PPP2R2C: variants seen among roughly 807,000 people sequenced by gnomAD.
PPP2R2C encodes protein phosphatase 2 regulatory subunit Bgamma.
A neutral mutation model predicts 45.3 loss-of-function variants in PPP2R2C; 10 were observed. The observed-to-expected ratio is 0.22, with a 90% CI of 0.14 to 0.37. PPP2R2C has a LOEUF of 0.37. PPP2R2C is among the 10% of genes least tolerant of loss of function. PPP2R2C has a pLI of 1.00. For synonymous variants in PPP2R2C, 257 were observed against 245.4 expected (o/e 1.05, Z -0.44); for missense variants, 308 against 619.7 (o/e 0.50, Z 5.34).
At position 6,368,242 on chromosome 4, in the gene PPP2R2C, T is replaced by C. The variant is rs1009653771; in HGVS notation, c.625+4281A>G. Among the ~76,000 whole-genome samples the C allele has an allele frequency of 6.6e-6, 1 of 152,132 alleles. No individual in the cohort carries two copies. Among genetic ancestry groups the C allele is most frequent in the African/African-American group, 2.4e-5 (1 of 41,440 alleles). ...CCTCACTTGGCAAAAACCACACCCC[T>C]GGCTTACCCTCCACCGACCTGAGGC... On this transcript the variant is annotated intron_variant, in intron 5 of 8. Transcript: ENST00000382599. The surrounding 1 kb of genome is among the most constrained non-coding windows in gnomAD (Gnocchi z 4.2).
chr4:6,454,052 T>G (rs2108749597), intron 1 of PPP2R2C, among the ~76,000 whole-genome samples: 1 of 152,338 alleles, frequency 6.6e-6, no homozygotes, highest in Admixed American at 6.5e-5. Context: ...TGTTTTTGCA[T>G]TTTTTAACAG....
At chr4:6,511,594 GTGA>G (rs1560594059) in intron 2 of PPP2R2C, among the ~76,000 whole-genome samples, 1 of 24,300 alleles carries the variant, frequency 4.1e-5, no homozygotes, top group African/African-American at 9.8e-5. Flanking sequence ...GGTGGTGGTG[GTGA>G]TGGGGGTGGT....
chr4:6,503,358 G>T (rs991172670), intron 2 of PPP2R2C, among the ~76,000 whole-genome samples: 1 of 152,116 alleles, frequency 6.6e-6, no homozygotes, highest in African/African-American at 2.4e-5. Context: ...TTCCTTCTTA[G>T]CAAAGCCTCC....
chr4:6,394,864 C>T (rs960651270), intron 1 of PPP2R2C, among the ~76,000 whole-genome samples: 10 of 152,348 alleles, frequency 6.6e-5, no homozygotes, highest in East Asian at 5.8e-4. Context: ...ATCACATCAG[C>T]GTGTCCATCA....
chr4:6,428,251 G>T (rs1415923942), intron 1 of PPP2R2C, among the ~76,000 whole-genome samples: 2 of 152,202 alleles, frequency 1.3e-5, no homozygotes, highest in Non-Finnish European at 2.9e-5. Flanking sequence ...CCCTCTATTT[G>T]CCTCCAGGTT....
intron 2 of PPP2R2C, among the ~76,000 whole-genome samples, chr4:6,486,182 G>C (rs1368699859): frequency 6.6e-6 from 1 of 151,990 alleles, no homozygotes; most frequent in Non-Finnish European, 1.5e-5. Context: ...AATATTTGGA[G>C]ATTTTCCAGA....
intron 2 of PPP2R2C, among the ~76,000 whole-genome samples, chr4:6,523,764 C>T (rs7676737): frequency 0.46 from 70,043 of 152,052 alleles, 16,682 homozygotes; most frequent in African/African-American, 0.55. Context: ...CACTGGAACG[C>T]GAATGTTCCC....
chr4:6,383,356 G>A (rs1715994269), intron 1 of PPP2R2C: 1 of 1,289,484 alleles, frequency 7.8e-7, no homozygotes, highest in African/African-American at 1.5e-5. Context: ...AACATTTACT[G>A]TTGTATGCAC....
chr4:6,405,083 T>C (rs1717706110), intron 1 of PPP2R2C, among the ~76,000 whole-genome samples: 1 of 152,240 alleles, frequency 6.6e-6, no homozygotes, highest in Admixed American at 6.5e-5. Flanking sequence ...GACATGAGAC[T>C]GAGGGCTGCT....
rs141932161 is a variant in PPP2R2C at position 6,495,403 on chromosome 4, G to A, written c.49+39868C>T. Among the ~76,000 whole-genome samples, 1,215 of 152,336 alleles carry A rather than the reference G, an allele frequency of 8.0e-3. 9 individuals carry two copies. Among genetic ancestry groups the A allele is most frequent in the Middle Eastern group, 0.034 (10 of 292 alleles). ...GTGTCCCGGGCACTCCCAGATCACC[G>A]GTGCCTGGCACAGTACCTGGCATGC... On this transcript the variant is annotated intron_variant, in intron 2 of 9. Coordinates refer to the PPP2R2C transcript ENST00000506140.
upstream of PPP2R2C, among the ~76,000 whole-genome samples, chr4:6,476,997 T>C (rs1332072977): frequency 6.6e-6 from 1 of 152,192 alleles, no homozygotes; most frequent in Non-Finnish European, 1.5e-5. Flanking sequence ...CAGCAGTTCA[T>C]ATCACCAGCA....
intron 1 of PPP2R2C, among the ~76,000 whole-genome samples, chr4:6,537,410 G>C (rs190477207): frequency 1.3e-5 from 2 of 152,108 alleles, no homozygotes; most frequent in Admixed American, 1.3e-4. Context: ...TTCAAACATT[G>C]ATTTTTACAC....
chr4:6,542,008 G>A (rs949259911), intron 1 of PPP2R2C, among the ~76,000 whole-genome samples: 2 of 152,226 alleles, frequency 1.3e-5, no homozygotes, highest in African/African-American at 4.8e-5. Context: ...AGGGATTCAT[G>A]ACAAATTCCT....
chr4:6,382,369 G>A lies in PPP2R2C; in HGVS notation c.71-1275C>T, dbSNP rs139433116. On this transcript the variant is annotated intron_variant, in intron 1 of 8. Coordinates refer to ENST00000382599, the MANE Select transcript of PPP2R2C (RefSeq NM_020416.4). ...TTTCAAACCAGCCACAGATCTGACC[G>A]TTGCTCCCTGTAGCCACAGAGAGGA... 9.6e-5 allele frequency: 128 copies of A among 1,340,182 alleles called. No homozygotes were observed. In the African/African-American group the frequency reaches 1.1e-3, roughly 12 times the overall value. The allele number at this position is 1,340,182 out of a possible 1,614,324, so 83.0% of individuals were successfully genotyped here. A position where few individuals can be genotyped will look rare whatever the true frequency, so the allele number is the denominator to read the frequency against.
At chr4:6,423,581 G>A (rs17778826) in intron 1 of PPP2R2C, among the ~76,000 whole-genome samples, 33,314 of 152,212 alleles carry the variant, frequency 0.22, 4,511 homozygotes, top group Admixed American at 0.39. Context: ...CTGGGGAGGC[G>A]AAGCCCAAAC....
At chr4:6,413,405 C>CT (rs1436913976) in intron 1 of PPP2R2C, among the ~76,000 whole-genome samples, 4 of 152,264 alleles carry the variant, frequency 2.6e-5, no homozygotes. Flanking sequence ...GTTCCTTCAG[C>CT]TACTCAGGGT....
intron 1 of PPP2R2C, among the ~76,000 whole-genome samples, chr4:6,419,523 A>AG (rs1718827311): frequency 6.6e-6 from 1 of 152,200 alleles, no homozygotes; most frequent in African/African-American, 2.4e-5. Context: ...ATCTACTATC[A>AG]GGCCCTTCAC....
intron 1 of PPP2R2C, among the ~76,000 whole-genome samples, chr4:6,438,530 T>C (rs1720001028): frequency 6.6e-6 from 1 of 152,248 alleles, no homozygotes; most frequent in Non-Finnish European, 1.5e-5. Flanking sequence ...CTTCACTTTT[T>C]CCTTCAAGAT....
intron 1 of PPP2R2C, among the ~76,000 whole-genome samples, chr4:6,430,601 T>G (rs1031808098): frequency 5.9e-5 from 9 of 152,134 alleles, no homozygotes; most frequent in Non-Finnish European, 1.3e-4. Context: ...AGGCCAACTT[T>G]GTAATCCTAT....
Sources: gnomAD v4.1 joint callset for allele counts (sites outside exome capture counted in the v4.1 genomes callset) on GRCh38, gnomAD v4.1.1 for gene constraint, Gnocchi (gnomAD v3.1) non-coding constraint, MANE v1.5 for transcripts, NCBI Gene and HGNC (gene_info 2026-07-23, HGNC 2026-07-21) for gene names.